The following PRKN variants were observed in gnomAD, a reference collection of about 807,000 sequenced individuals.
The protein encoded by PRKN is E3 ubiquitin-protein ligase parkin.
Under a neutral mutation model 59.5 loss-of-function variants are expected in PRKN, and 56 were observed. The ratio of observed to expected loss-of-function variants is 0.94; its 90% CI spans 0.76 to 1.18. PRKN has a LOEUF of 1.18. Among genes scored for constraint, PRKN ranks in the 50% most tolerant of loss-of-function variants. PRKN has a pLI of 0.00. For synonymous variants in PRKN, 250 were observed against 222.1 expected, an observed-to-expected ratio of 1.13 and a Z score of -1.12; for missense variants, 657 against 596.4, an observed-to-expected ratio of 1.10 and a Z score of -1.06.
rs1214432181 is a variant in PRKN at position 161,897,510 on chromosome 6, T to C, written c.734+75792A>G. Among the ~76,000 whole-genome samples, 3 of 152,184 alleles carry C rather than the reference T, an allele frequency of 2.0e-5. No individual in the cohort carries two copies. In the East Asian group the frequency reaches 5.8e-4, roughly 29 times the overall value. On this transcript the variant is annotated intron_variant, in intron 6 of 11. Transcript: ENST00000366898. ...GCTTCATTGGGATTAGGGAACATAGTGGTTTGATTGATTAGACTGCTTACC... is the reference window on the plus strand; with the variant it reads ...GCTTCATTGGGATTAGGGAACATAGCGGTTTGATTGATTAGACTGCTTACC...
intron 4 of PRKN, among the ~76,000 whole-genome samples, chr6:162,093,752 C>A (rs974471027): frequency 6.6e-6 from 1 of 152,096 alleles, no homozygotes; most frequent in Non-Finnish European, 1.5e-5. Flanking sequence ...TTGCTTTAAA[C>A]CCCCCGTAAC....
At chr6:161,430,469 C>T (rs529567525) in intron 9 of PRKN, among the ~76,000 whole-genome samples, 1 of 152,272 alleles carries the variant, frequency 6.6e-6, no homozygotes, top group South Asian at 2.1e-4. Context: ...TCAGTAAATG[C>T]ACTGCTCTTG....
At chr6:161,632,877 C>T (rs536252971) in intron 7 of PRKN, among the ~76,000 whole-genome samples, 47 of 152,284 alleles carry the variant, frequency 3.1e-4, no homozygotes, top group Non-Finnish European at 6.3e-4. Context: ...AGTAAACACT[C>T]CCATGATTCA....
intron 2 of PRKN, among the ~76,000 whole-genome samples, chr6:162,307,816 T>C (rs749233709): frequency 1.5e-4 from 23 of 152,322 alleles, no homozygotes; most frequent in Middle Eastern, 3.4e-3. Flanking sequence ...AAGATGATTA[T>C]GAAAATGAAA....
chr6:161,990,250 A>C (rs1781593750), intron 5 of PRKN, among the ~76,000 whole-genome samples: 1 of 152,214 alleles, frequency 6.6e-6, no homozygotes, highest in Non-Finnish European at 1.5e-5. Flanking sequence ...GTGCTGCCCG[A>C]GCCACTGAAG....
intron 6 of PRKN, among the ~76,000 whole-genome samples, chr6:161,801,315 T>C (rs1791067540): frequency 6.6e-6 from 1 of 152,162 alleles, no homozygotes; most frequent in African/African-American, 2.4e-5. Context: ...CTTGCTGAGT[T>C]TGAGATGGCT....
At chr6:162,631,792 A>G (rs546048551) in intron 1 of PRKN, among the ~76,000 whole-genome samples, 1 of 152,152 alleles carries the variant, frequency 6.6e-6, no homozygotes, top group South Asian at 2.1e-4. Flanking sequence ...AGTATTTCCT[A>G]AGTTGTCTTT....
At chr6:162,661,707 T>C (rs1473884468) in intron 1 of PRKN, among the ~76,000 whole-genome samples, 2 of 152,226 alleles carry the variant, frequency 1.3e-5, no homozygotes, top group Admixed American at 1.3e-4. Flanking sequence ...AGTAATAATC[T>C]ACGCGTATCT....
chr6:162,520,732 G>A (rs544684270), intron 1 of PRKN, among the ~76,000 whole-genome samples: 1 of 151,730 alleles, frequency 6.6e-6, no homozygotes, highest in African/African-American at 2.4e-5. Context: ...ACTATTTCAA[G>A]TAATTACTTA....
intron 1 of PRKN, among the ~76,000 whole-genome samples, chr6:162,564,142 C>T (rs147249999): frequency 0.019 from 2,941 of 151,996 alleles, 103 homozygotes; most frequent in African/African-American, 0.066. Flanking sequence ...GTCAGGAGAT[C>T]GAGACCATCC....
At chr6:161,720,644 A>T (rs1787179719) in intron 7 of PRKN, among the ~76,000 whole-genome samples, 1 of 152,172 alleles carries the variant, frequency 6.6e-6, no homozygotes, top group South Asian at 2.1e-4. Flanking sequence ...GAAGGTTTAA[A>T]TGTACAGTTT....
intron 1 of PRKN, among the ~76,000 whole-genome samples, chr6:162,588,752 C>G (rs371236645): frequency 6.6e-6 from 1 of 152,054 alleles, no homozygotes. Flanking sequence ...TGGGTTTCAC[C>G]GTGTTAGCCA....
intron 6 of PRKN, among the ~76,000 whole-genome samples, chr6:161,941,895 T>C (rs920184882): frequency 5.9e-5 from 9 of 152,172 alleles, no homozygotes; most frequent in Non-Finnish European, 1.0e-4. Context: ...AGGGTGAGTG[T>C]ACAATTTTAG....
intron 6 of PRKN, among the ~76,000 whole-genome samples, chr6:161,873,742 T>C (rs760594405): frequency 7.3e-5 from 11 of 151,604 alleles, no homozygotes; most frequent in Middle Eastern, 3.4e-3. Flanking sequence ...CTTGAAATCT[T>C]TGCCCTATTT....
At chr6:162,170,403 C>T (rs543140507) in intron 4 of PRKN, among the ~76,000 whole-genome samples, 2 of 152,144 alleles carry the variant, frequency 1.3e-5, no homozygotes, top group Non-Finnish European at 2.9e-5. Flanking sequence ...TTGTAATAGA[C>T]ATGCTACTTT....
intron 3 of PRKN, among the ~76,000 whole-genome samples, chr6:162,236,017 G>C (rs112853556): frequency 1.3e-5 from 2 of 149,260 alleles, no homozygotes; most frequent in African/African-American, 4.9e-5. Flanking sequence ...AAGAAAGAAA[G>C]AAAGAAACTC....
intron 7 of PRKN, among the ~76,000 whole-genome samples, chr6:161,679,065 C>T (rs572676634): frequency 5.3e-5 from 8 of 152,200 alleles, no homozygotes; most frequent in African/African-American, 1.9e-4. Context: ...ATAGATTATG[C>T]CAACCAGCAC....
intron 1 of PRKN, among the ~76,000 whole-genome samples, chr6:162,649,566 T>C (rs1778336476): frequency 6.6e-6 from 1 of 152,070 alleles, no homozygotes; most frequent in Middle Eastern, 3.4e-3. Context: ...GACTTGTAGA[T>C]TCAGAGAGAT....
intron 7 of PRKN, among the ~76,000 whole-genome samples, chr6:161,772,106 G>T: frequency 6.6e-6 from 1 of 152,150 alleles, no homozygotes; most frequent in East Asian, 1.9e-4. Context: ...CTGAATAGAC[G>T]CCTGTGGGTG....
Sources: allele counts gnomAD v4.1 joint callset (sites outside exome capture counted in the v4.1 genomes callset), GRCh38; gene constraint gnomAD v4.1.1; transcripts MANE v1.5; gene names NCBI Gene and HGNC (gene_info 2026-07-23, HGNC 2026-07-21).